Variants in CBFA2T3 observed in about 807,000 individuals in gnomAD.
CBFA2T3 encodes CBFA2/RUNX1 partner transcriptional co-repressor 3.
Under a neutral mutation model 58.6 loss-of-function variants are expected in CBFA2T3, and 31 were observed. The ratio of observed to expected loss-of-function variants is 0.53; its 90% CI spans 0.40 to 0.71. The LOEUF (loss-of-function observed/expected upper bound fraction) is 0.71, where lower values mean the gene tolerates loss of function less well. Ranked by LOEUF, CBFA2T3 falls within the 30% of genes least tolerant of loss-of-function variation. The probability of loss-of-function intolerance (pLI) is 0.00; values close to 1 mark genes in which losing one functional copy is unlikely to be tolerated. For missense variants in CBFA2T3, 1,076 were observed against 963.1 expected, an observed-to-expected ratio of 1.12 and a Z score of -1.55; for synonymous variants, 531 against 421.9, an observed-to-expected ratio of 1.26 and a Z score of -3.17.
Position 88,913,753 on chromosome 16 carries a change from G to A in CBFA2T3, c.152-12097C>T, listed in dbSNP as rs141267695. ...TTGTCACAGCATCGTTTATGAGAAT[G>A]ACAAACGGAATAAATACGATGACTC... On this transcript the variant is annotated intron_variant, in intron 1 of 11. Transcript: ENST00000268679. 4.8e-3 allele frequency among the ~76,000 whole-genome samples: 736 copies of A among 152,324 alleles called. 4 individuals are homozygous for A. Among genetic ancestry groups the A allele is most frequent in the African/African-American group, 0.017 (695 of 41,550 alleles).
chr16:88,953,723 T>C lies in CBFA2T3; in HGVS notation c.151+22934A>G, dbSNP rs1260834828. On this transcript the variant is annotated intron_variant, in intron 1 of 11. Transcript: ENST00000268679. The surrounding 1 kb of genome is among the most constrained non-coding windows in gnomAD (Gnocchi z 4.9). ...ACCCTGAGACCCTTATGTCTGCCTATTGAAGGCACAGTTTACTCCCGGGAA... is the reference window on the plus strand; with the variant it reads ...ACCCTGAGACCCTTATGTCTGCCTACTGAAGGCACAGTTTACTCCCGGGAA... Among the ~76,000 whole-genome samples, 3 of 152,182 alleles carry C rather than the reference T, an allele frequency of 2.0e-5. No homozygotes were observed. The highest frequency in any genetic ancestry group is 4.4e-5 in the Non-Finnish European group (3 of 68,018).
At chr16:88,974,146 G>C (rs945695621) in intron 1 of CBFA2T3, among the ~76,000 whole-genome samples, 1 of 152,186 alleles carries the variant, frequency 6.6e-6, no homozygotes, top group African/African-American at 2.4e-5. Flanking sequence ...CGGGTGACCT[G>C]GTTCCCATCC....
chr16:88,967,678 T>C (rs1972549393), intron 1 of CBFA2T3, among the ~76,000 whole-genome samples: 1 of 152,180 alleles, frequency 6.6e-6, no homozygotes, highest in Non-Finnish European at 1.5e-5. Context: ...CGTGCTGCCC[T>C]GCGTGGCTCC....
At chr16:88,939,723 G>A (rs1372505650) in intron 1 of CBFA2T3, 2 of 152,306 alleles carry the variant, frequency 1.3e-5, no homozygotes, top group Non-Finnish European at 2.9e-5. Flanking sequence ...CACAGAGCCA[G>A]CCCTCCACGG....
intron 5 of CBFA2T3, 81 bp downstream of exon 5, chr16:88,891,801 C>T (rs1969641578): frequency 7.2e-6 from 7 of 975,978 alleles, no homozygotes; most frequent in South Asian, 2.7e-5. Context: ...GCCTGTCCAC[C>T]GCTGTCCACG....
chr16:88,917,721 C>T (rs751913323), intron 1 of CBFA2T3, among the ~76,000 whole-genome samples: 1 of 152,192 alleles, frequency 6.6e-6, no homozygotes, highest in Non-Finnish European at 1.5e-5. Flanking sequence ...AGAATGTTTT[C>T]CCTGAAGTGC....
intron 1 of CBFA2T3, among the ~76,000 whole-genome samples, chr16:88,952,923 G>A (rs11641359): frequency 1.0e-4 from 3 of 28,982 alleles, no homozygotes; most frequent in Non-Finnish European, 6.4e-5. Flanking sequence ...GTGTCGAGAC[G>A]GCATGTCCAG....
chr16:88,888,159 G>A (rs1197710136), intron 5 of CBFA2T3, among the ~76,000 whole-genome samples: 1 of 151,844 alleles, frequency 6.6e-6, no homozygotes, highest in African/African-American at 2.4e-5. Context: ...CGAGAGAGAG[G>A]GCCCAAGCCA....
chr16:88,879,080 G>A (rs1357781023), intron 11 of CBFA2T3, among the ~76,000 whole-genome samples, 190 bp downstream of exon 11: 4 of 152,250 alleles, frequency 2.6e-5, no homozygotes, highest in Admixed American at 2.0e-4. Flanking sequence ...TCCATAGGAC[G>A]CCTCACTGAA....
intron 1 of CBFA2T3, among the ~76,000 whole-genome samples, chr16:88,947,212 C>T (rs990528389): frequency 6.6e-6 from 1 of 152,236 alleles, no homozygotes; most frequent in Admixed American, 6.5e-5. Flanking sequence ...GAGAACTCGG[C>T]GCTTTCCGCC....
At chr16:88,892,128 G>A (rs1023257947) in intron 4 of CBFA2T3, 116 bp downstream of exon 4, 24 of 1,417,290 alleles carry the variant, frequency 1.7e-5, no homozygotes, top group South Asian at 6.3e-5. Context: ...TCGTGGGAGC[G>A]GGTCCACGCC....
intron 1 of CBFA2T3, among the ~76,000 whole-genome samples, chr16:88,963,752 T>A (rs1196378136): frequency 6.6e-6 from 1 of 152,232 alleles, no homozygotes; most frequent in Non-Finnish European, 1.5e-5. Flanking sequence ...CAGCTGACAC[T>A]TCGTGAGCCA....
rs149354564 is a variant in CBFA2T3, at chr16:88,920,527, C to T, written c.152-18871G>A. On this transcript the variant is annotated intron_variant, in intron 1 of 11. Transcript: ENST00000268679. ...CTCGAACTCCTGACCTCAAGTGATC[C>T]GCCCACCTCGGCTTCTCAAAGTGCT... Among the ~76,000 whole-genome samples, 1,509 of 152,036 alleles carry T rather than the reference C, an allele frequency of 9.9e-3. 8 individuals carry two copies. The highest frequency in any genetic ancestry group is 0.021 in the East Asian group (107 of 5,156).
intron 1 of CBFA2T3, among the ~76,000 whole-genome samples, chr16:88,928,084 A>G (rs1971144342): frequency 6.6e-6 from 1 of 152,140 alleles, no homozygotes; most frequent in South Asian, 2.1e-4. Flanking sequence ...AGGGAAGGCC[A>G]CCTGGCCGAG....
chr16:88,913,343 C>A (rs910582044), intron 1 of CBFA2T3, among the ~76,000 whole-genome samples: 2 of 152,230 alleles, frequency 1.3e-5, no homozygotes, highest in Non-Finnish European at 2.9e-5. Flanking sequence ...GAAGAACCAC[C>A]CCCCTGAGCT....
intron 1 of CBFA2T3, among the ~76,000 whole-genome samples, chr16:88,966,817 C>T (rs142802854): frequency 5.3e-5 from 8 of 152,314 alleles, no homozygotes; most frequent in Admixed American, 1.3e-4. Flanking sequence ...AGATGGAAGT[C>T]GGATGCAGCA....
In CBFA2T3 at chr16:88,894,500, CACACACAT is replaced by C. The variant is rs1204821948; in HGVS notation, c.380-2023_380-2016del. Among the ~76,000 whole-genome samples the C allele has an allele frequency of 2.3e-4, 28 of 122,686 alleles. 1 individual carries two copies. Among genetic ancestry groups the C allele is most frequent in the East Asian group, 1.6e-3 (5 of 3,108 alleles). 80.5% of individuals were successfully genotyped at this position (122,686 alleles called of 152,430 possible). On this transcript the variant is annotated intron_variant, in intron 3 of 11. Transcript: ENST00000268679. Reference sequence around the variant, plus strand: ...CATGCACACAATGTACACACATGCACACACACATGCACACACACATGCATACATATACA... The same window carrying C: ...CATGCACACAATGTACACACATGCACGCACACACACATGCATACATATACA...
In CBFA2T3 at chr16:88,976,816, C is replaced by T; in HGVS notation, c.-9G>A. 1 of 1,547,460 alleles carries T rather than the reference C, an allele frequency of 6.5e-7. No individual in the cohort carries two copies. Among genetic ancestry groups the T allele is most frequent in the Non-Finnish European group, 8.7e-7 (1 of 1,143,378 alleles). ...AGTCTTGAAGCCGGCATGAGGAGGG[C>T]CACCCTCAGGGGCCAACCTGGAGCC... On this transcript the variant is annotated 5_prime_UTR_variant, in exon 1 of 12. Transcript: ENST00000268679.
chr16:88,899,258 A>G (rs1009469234), intron 2 of CBFA2T3, among the ~76,000 whole-genome samples: 1 of 151,846 alleles, frequency 6.6e-6, no homozygotes, highest in Non-Finnish European at 1.5e-5. Context: ...GTGGCCCCTG[A>G]AGGGCACCCA....
Sources: gnomAD v4.1 joint callset for allele counts (sites outside exome capture counted in the v4.1 genomes callset) on GRCh38, gnomAD v4.1.1 for gene constraint, Gnocchi (gnomAD v3.1) non-coding constraint, MANE v1.5 for transcripts, NCBI Gene and HGNC (gene_info 2026-07-23, HGNC 2026-07-21) for gene names.